Variants in PCDH7 observed in about 807,000 individuals in gnomAD.
The protein encoded by PCDH7 is protocadherin 7.
Under a neutral mutation model 58.9 loss-of-function variants are expected in PCDH7, and 17 were observed. The observed-to-expected ratio is 0.29, with a 90% confidence interval of 0.20 to 0.43. The LOEUF (loss-of-function observed/expected upper bound fraction) is 0.43, where lower values mean the gene tolerates loss of function less well. Ranked by LOEUF, PCDH7 falls within the 20% of genes least tolerant of loss-of-function variation. PCDH7 has a pLI of 1.00. For synonymous variants in PCDH7, 664 were observed against 616.4 expected, an observed-to-expected ratio of 1.08 and a Z score of -1.14; for missense variants, 1,274 against 1,441.0, an observed-to-expected ratio of 0.88 and a Z score of 1.88.
At chr4:30,787,695 G>A (rs530086486) in intron 1 of PCDH7, among the ~76,000 whole-genome samples, 3 of 152,106 alleles carry the variant, frequency 2.0e-5, no homozygotes, top group South Asian at 2.1e-4. Flanking sequence ...GTACCTCTTT[G>A]CATTACAGTT....
intron 2 of PCDH7, among the ~76,000 whole-genome samples, chr4:30,926,192 T>G (rs911681196): frequency 8.1e-5 from 1 of 12,366 alleles, no homozygotes; most frequent in East Asian, 3.7e-3. Flanking sequence ...TTTAGGTCGT[T>G]TTTTTTTTTT....
rs371051024 is a variant in PCDH7, at chr4:30,873,127, A to G, written c.71-47026A>G. Among the ~76,000 whole-genome samples, 462 of 152,214 alleles carry G rather than the reference A, an allele frequency of 3.0e-3. 2 individuals carry two copies. Among genetic ancestry groups the G allele is most frequent in the Middle Eastern group, 6.8e-3 (2 of 294 alleles). The stretch of plus-strand genomic sequence containing the variant: ...TTATCAGTTTGATTAAGATGAAAGA[A>G]CAGTTTCTCTTTTATTATGTATACT... On this transcript the variant is annotated intron_variant, in intron 1 of 3. Coordinates refer to the PCDH7 transcript ENST00000509759.
chr4:31,008,242 A>G (rs1360151330), intron 3 of PCDH7, among the ~76,000 whole-genome samples: 2 of 152,140 alleles, frequency 1.3e-5, no homozygotes, highest in African/African-American at 4.8e-5. Context: ...TCACTTTCTG[A>G]GATATATTCA....
chr4:31,024,498 G>T (rs1754272751), intron 3 of PCDH7, among the ~76,000 whole-genome samples: 2 of 151,988 alleles, frequency 1.3e-5, no homozygotes, highest in Non-Finnish European at 2.9e-5. Context: ...AAAATTTTAT[G>T]ATTCTAGATT....
rs570255296 is a variant in PCDH7, at chr4:30,996,761, G to A, written c.*7+46546G>A. Among the ~76,000 whole-genome samples, 26 of 152,308 alleles carry A rather than the reference G, an allele frequency of 1.7e-4. 1 individual carries two copies. The highest frequency in any genetic ancestry group is 3.9e-4 in the Admixed American group (6 of 15,302). On this transcript the variant is annotated intron_variant, in intron 3 of 3. Coordinates refer to the PCDH7 transcript ENST00000509759. The stretch of plus-strand genomic sequence containing the variant: ...AACTAGGTTTAATTATAAGACAATT[G>A]ATGAGAACAGTGCTTAGGAGTCAGA...
chr4:30,944,540 C>T (rs1359131173), intron 2 of PCDH7, among the ~76,000 whole-genome samples: 1 of 152,060 alleles, frequency 6.6e-6, no homozygotes, highest in Non-Finnish European at 1.5e-5. Context: ...CTAAATTAAC[C>T]TCTGGCACCC....
intron 3 of PCDH7, among the ~76,000 whole-genome samples, chr4:31,093,976 A>G (rs552962159): frequency 1.3e-5 from 2 of 152,214 alleles, no homozygotes; most frequent in South Asian, 4.1e-4. Flanking sequence ...ACTCAACTTT[A>G]TGGTGGACAT....
At chr4:31,061,204 G>A (rs1467867010) in intron 3 of PCDH7, among the ~76,000 whole-genome samples, 1 of 151,534 alleles carries the variant, frequency 6.6e-6, no homozygotes, top group African/African-American at 2.4e-5. Context: ...ACAAGTCTGT[G>A]GTTTGTATCA....
intron 3 of PCDH7, among the ~76,000 whole-genome samples, chr4:31,063,928 C>G (rs1757889856): frequency 6.6e-6 from 1 of 151,880 alleles, no homozygotes; most frequent in African/African-American, 2.4e-5. Flanking sequence ...CTGGTAGTAA[C>G]TGGAGAAGAC....
At chr4:30,845,421 C>T (rs1330253640) in intron 1 of PCDH7, among the ~76,000 whole-genome samples, 1 of 152,038 alleles carries the variant, frequency 6.6e-6, no homozygotes, top group African/African-American at 2.4e-5. Context: ...GTTGAAGTTC[C>T]AGTTCTAGTA....
chr4:31,098,653 A>G (rs2109297389), intron 3 of PCDH7, among the ~76,000 whole-genome samples: 1 of 152,276 alleles, frequency 6.6e-6, no homozygotes, highest in Middle Eastern at 3.4e-3. Context: ...AACACACAAT[A>G]TAAATGGTAG....
At position 31,096,987 on chromosome 4, in the gene PCDH7, T is replaced by C. The variant is rs1458528411; in HGVS notation, c.*8-45486T>C. Among the ~76,000 whole-genome samples, 27 of 152,048 alleles carry C rather than the reference T, an allele frequency of 1.8e-4. No homozygotes were observed. In the East Asian group the frequency reaches 5.2e-3, roughly 29 times the overall value. ...GTGTATGTGCTTTTCATGAGGTTGT[T>C]CATGTAGGTGTATGTCTATACACAG... On this transcript the variant is annotated intron_variant, in intron 3 of 3. Transcript: ENST00000509759.
intron 3 of PCDH7, among the ~76,000 whole-genome samples, chr4:31,094,948 T>G (rs528314544): frequency 3.6e-4 from 55 of 152,258 alleles, no homozygotes; most frequent in Admixed American, 2.2e-3. Flanking sequence ...GGTTCTTCGG[T>G]TTAAATATTG....
intron 1 of PCDH7, among the ~76,000 whole-genome samples, chr4:30,872,855 T>G (rs1735801846): frequency 6.6e-6 from 1 of 152,100 alleles, no homozygotes; most frequent in African/African-American, 2.4e-5. Flanking sequence ...ATTATAATAG[T>G]GACTACCTTT....
intron 3 of PCDH7, among the ~76,000 whole-genome samples, chr4:30,979,036 G>T (rs910299338): frequency 6.6e-6 from 1 of 152,048 alleles, no homozygotes; most frequent in Non-Finnish European, 1.5e-5. Context: ...GGTGAGAAAA[G>T]ATTAGTGAGG....
intron 1 of PCDH7, among the ~76,000 whole-genome samples, chr4:30,790,868 A>G (rs1413895767): frequency 6.6e-6 from 1 of 152,060 alleles, no homozygotes. Flanking sequence ...GGCTGCAGTG[A>G]CCCGTGTTCA....
At chr4:31,091,047 A>G (rs1285991395) in intron 3 of PCDH7, among the ~76,000 whole-genome samples, 2 of 152,062 alleles carry the variant, frequency 1.3e-5, no homozygotes, top group African/African-American at 4.8e-5. Flanking sequence ...GTCATTTTCA[A>G]CATTCATTTC....
intron 3 of PCDH7, among the ~76,000 whole-genome samples, chr4:31,060,695 T>C (rs950371854): frequency 6.6e-6 from 1 of 151,840 alleles, no homozygotes; most frequent in Non-Finnish European, 1.5e-5. Flanking sequence ...GTGTAATTTC[T>C]TCTTCTAATC....
Position 30,952,471 on chromosome 4 carries a change from GA to G in PCDH7, c.*7+2266del, listed in dbSNP as rs202022077. Among the ~76,000 whole-genome samples, 79 of 145,762 alleles carry G rather than the reference GA, an allele frequency of 5.4e-4. 1 individual carries two copies. Among genetic ancestry groups the G allele is most frequent in the African/African-American group, 1.7e-3 (66 of 39,794 alleles). ...ATAGGAAAAGAGGCCAAATTAAGGA[GA>G]AAAAAAAAATCTTTGAGAAAAAAGA... is the stretch of plus-strand genomic sequence containing the variant. On this transcript the variant is annotated intron_variant, in intron 3 of 3. Coordinates refer to the PCDH7 transcript ENST00000509759.
Sources: gnomAD v4.1 joint callset for allele counts (sites outside exome capture counted in the v4.1 genomes callset) on GRCh38, gnomAD v4.1.1 for gene constraint, MANE v1.5 for transcripts, NCBI Gene and HGNC (gene_info 2026-07-23, HGNC 2026-07-21) for gene names.